Variants in CSMD1 observed in about 807,000 individuals in gnomAD.
CSMD1 encodes the protein CUB and sushi domain-containing protein 1.
CSMD1 carries 213 observed loss-of-function variants against 417.5 expected under a neutral mutation model. That is an observed-to-expected ratio of 0.51 (90% CI 0.46 to 0.57). The LOEUF is 0.57. Ranked by LOEUF, CSMD1 falls within the 20% of genes least tolerant of loss-of-function variation. The probability of loss-of-function intolerance (pLI) is 0.00; values close to 1 mark genes in which losing one functional copy is unlikely to be tolerated. For missense variants in CSMD1, 6,923 were observed against 4,529.7 expected, an observed-to-expected ratio of 1.53 and a Z score of -15.17; for synonymous variants, 2,862 against 1,736.8, an observed-to-expected ratio of 1.65 and a Z score of -16.11.
intron 5 of CSMD1, among the ~76,000 whole-genome samples, chr8:3,828,644 T>C (rs543132948): frequency 2.0e-5 from 3 of 152,276 alleles, no homozygotes; most frequent in East Asian, 3.9e-4. Context: ...GTCACACCTA[T>C]TTTAATCCAA....
At chr8:3,840,665 T>TAAA (rs1585074705) in intron 5 of CSMD1, among the ~76,000 whole-genome samples, 1 of 151,514 alleles carries the variant, frequency 6.6e-6, no homozygotes, top group East Asian at 1.9e-4. Flanking sequence ...TTGAGGTCAC[T>TAAA]ATACAGTGAC....
chr8:4,827,402 C>G (rs915449076), intron 1 of CSMD1, among the ~76,000 whole-genome samples: 6 of 152,144 alleles, frequency 3.9e-5, no homozygotes, highest in Admixed American at 2.0e-4. Context: ...GACTTCAAAG[C>G]TGTCTGGATG....
At chr8:3,755,219 A>C (rs1563344379) in intron 5 of CSMD1, among the ~76,000 whole-genome samples, 3 of 152,304 alleles carry the variant, frequency 2.0e-5, no homozygotes, top group Middle Eastern at 3.4e-3. Context: ...CTGATACAGG[A>C]TTGCGTGCTG....
intron 3 of CSMD1, among the ~76,000 whole-genome samples, chr8:4,283,029 T>A (rs1796873075): frequency 1.3e-5 from 2 of 152,148 alleles, no homozygotes; most frequent in South Asian, 4.1e-4. Context: ...TGATTATATT[T>A]TCATTTAAAA....
chr8:3,118,515 A>G lies in CSMD1; in HGVS notation c.6314T>C (p.Val2105Ala). The G allele has an allele frequency of 1.2e-6, 2 of 1,613,904 alleles. No homozygotes were observed. The highest frequency in any genetic ancestry group is 1.7e-6 in the Non-Finnish European group (2 of 1,179,830). Residue 2105 changes from valine (V) to alanine (A), a missense_variant, in exon 42 of 70, where the codon GTG becomes GCG. Val to Ala is a moderately conservative substitution (Grantham distance 64). Coordinates refer to ENST00000635120, the MANE Select transcript of CSMD1 (RefSeq NM_033225.6). Reference protein sequence around the residue: ...NGYMINSDYSVGQSVSFECYP... With the variant: ...NGYMINSDYSAGQSVSFECYP... ...ACACTCGAAAGATACTGATTGCCCC[A>G]CGCTGTAATCCGAGTTGATCATGTA...
intron 50 of CSMD1, among the ~76,000 whole-genome samples, chr8:3,034,237 G>C (rs993781756): frequency 3.5e-4 from 54 of 152,188 alleles, no homozygotes; most frequent in Admixed American, 1.5e-3. Flanking sequence ...GTGGTTTCTG[G>C]CTGATGAAAT....
chr8:4,646,652 G>A (rs192009141), intron 1 of CSMD1, among the ~76,000 whole-genome samples: 75 of 152,210 alleles, frequency 4.9e-4, no homozygotes, highest in African/African-American at 1.7e-3. Flanking sequence ...AGATTTCTGC[G>A]TCAACAAGGC....
At chr8:4,971,538 TTTC>T (rs994715009) in intron 1 of CSMD1, among the ~76,000 whole-genome samples, 2 of 152,028 alleles carry the variant, frequency 1.3e-5, no homozygotes, top group Admixed American at 6.6e-5. Flanking sequence ...TCTGACATAA[TTTC>T]TTGAGTTTTA....
At chr8:3,838,545 G>GTCTCTCTATATA (rs1461875554) in intron 5 of CSMD1, among the ~76,000 whole-genome samples, 1,886 of 136,076 alleles carry the variant, frequency 0.014, 57 homozygotes, top group African/African-American at 0.036. Flanking sequence ...GTCTATATAT[G>GTCTCTCTATATA]TACTCTCTGT....
intron 23 of CSMD1, among the ~76,000 whole-genome samples, chr8:3,324,289 C>A (rs544406232): frequency 2.0e-5 from 3 of 146,514 alleles, no homozygotes; most frequent in Non-Finnish European, 4.5e-5. Flanking sequence ...CCACACCTAA[C>A]CCCTGAGACC....
chr8:4,559,746 A>C (rs1031160410), intron 2 of CSMD1, among the ~76,000 whole-genome samples: 1 of 152,246 alleles, frequency 6.6e-6, no homozygotes, highest in Non-Finnish European at 1.5e-5. Flanking sequence ...TTATTTCACA[A>C]ATAGTGAGTC....
intron 2 of CSMD1, among the ~76,000 whole-genome samples, chr8:4,584,881 A>G (rs1016836374): frequency 1.3e-5 from 2 of 152,218 alleles, no homozygotes; most frequent in East Asian, 3.9e-4. Flanking sequence ...TCAACTGTGG[A>G]TTGCATTGGA....
chr8:3,881,625 A>C (rs1806211217), intron 5 of CSMD1, among the ~76,000 whole-genome samples: 1 of 138,354 alleles, frequency 7.2e-6, no homozygotes, highest in Admixed American at 7.0e-5. Flanking sequence ...AAAAAAAACA[A>C]AAACAAAAAC....
At chr8:3,211,993 C>T (rs956045926) in intron 30 of CSMD1, among the ~76,000 whole-genome samples, 4 of 152,158 alleles carry the variant, frequency 2.6e-5, no homozygotes, top group Non-Finnish European at 4.4e-5. Flanking sequence ...CCAGCTGCCT[C>T]GTGCCCACCT....
At chr8:4,265,121 G>A (rs1001697578) in intron 3 of CSMD1, among the ~76,000 whole-genome samples, 4 of 152,112 alleles carry the variant, frequency 2.6e-5, no homozygotes, top group South Asian at 2.1e-4. Context: ...TTGAAAAACT[G>A]TCCTCTAACT....
intron 7 of CSMD1, among the ~76,000 whole-genome samples, chr8:3,692,056 C>T (rs1470495328): frequency 1.3e-5 from 2 of 152,178 alleles, no homozygotes; most frequent in Non-Finnish European, 2.9e-5. Context: ...TCTGCCTGCT[C>T]CGGGTGAGAT....
intron 3 of CSMD1, among the ~76,000 whole-genome samples, chr8:4,356,056 C>T (rs920756615): frequency 2.6e-5 from 4 of 152,138 alleles, no homozygotes; most frequent in African/African-American, 9.7e-5. Context: ...CACTCATCAC[C>T]TGAGCAGTGT....
At chr8:3,769,003 G>A (rs1422733944) in intron 5 of CSMD1, among the ~76,000 whole-genome samples, 2 of 152,244 alleles carry the variant, frequency 1.3e-5, no homozygotes, top group Non-Finnish European at 2.9e-5. Context: ...CAGGCCCACA[G>A]CACACCTGGG....
chr8:3,018,453 G>C (rs779100777), intron 52 of CSMD1, 24 bp downstream of exon 52: 3 of 1,607,820 alleles, frequency 1.9e-6, no homozygotes, highest in South Asian at 1.1e-5. Context: ...CATTAAGTAA[G>C]TGCCAGAACA....
Sources: allele counts gnomAD v4.1 joint callset (sites outside exome capture counted in the v4.1 genomes callset), GRCh38; gene constraint gnomAD v4.1.1; transcripts MANE v1.5; gene names NCBI Gene and HGNC (gene_info 2026-07-23, HGNC 2026-07-21).